The following ZCWPW1 variants were observed in gnomAD, a reference collection of about 807,000 sequenced individuals.
The protein encoded by ZCWPW1 is zinc finger CW-type PWWP domain protein 1.
In ZCWPW1, 56 loss-of-function variants were observed where a neutral mutation model predicts 81.3. The ratio of observed to expected loss-of-function variants is 0.69; its 90% CI spans 0.56 to 0.86. The LOEUF is 0.86. Among genes scored for constraint, ZCWPW1 ranks in the 40% least tolerant of loss-of-function variants. The pLI is 0.00. For synonymous variants in ZCWPW1, 250 were observed against 273.7 expected, an observed-to-expected ratio of 0.91 and a Z score of 0.86; for missense variants, 650 against 769.8, an observed-to-expected ratio of 0.84 and a Z score of 1.84.
Position 100,419,853 on chromosome 7 carries a change from G to A in ZCWPW1, c.59C>T (p.Ala20Val), listed in dbSNP as rs1247310468. The A allele has an allele frequency of 3.2e-6, 5 of 1,586,596 alleles. No individual in the cohort carries two copies. The East Asian group carries it at 1.1e-4, about 35-fold the overall frequency. The stretch of plus-strand genomic sequence containing the variant: ...GCTGTAAGATTTTTGTGCAGGTGGG[G>A]CAAAGATTCTCTTTGGTCCCTTTCC... Reference protein sequence around the residue: ...ECGKGPKRIFAPPAQKSYSLL... With the variant: ...ECGKGPKRIFVPPAQKSYSLL... Residue 20 changes from alanine to valine, a missense_variant, in exon 4 of 18, where the codon GCC (alanine) becomes GTC (valine). By Grantham distance (64) the Ala-to-Val change is moderately conservative (BLOSUM62 0). Transcript: ENST00000684423.
At chr7:100,426,730 T>G (rs1483778462) in intron 1 of ZCWPW1, among the ~76,000 whole-genome samples, 1 of 123,428 alleles carries the variant, frequency 8.1e-6, no homozygotes, top group African/African-American at 3.1e-5. Context: ...TGTCCCTCCA[T>G]CCCTTCCTCC....
intron 8 of ZCWPW1, among the ~76,000 whole-genome samples, chr7:100,410,328 CTAA>C (rs1362958812): frequency 6.6e-6 from 1 of 152,176 alleles, no homozygotes; most frequent in Admixed American, 6.5e-5. Context: ...TGGAGACCCA[CTAA>C]TGACACTGCC....
In ZCWPW1 at chr7:100,401,300, G is replaced by A. The variant is rs1054912787; in HGVS notation, c.1664C>T (p.Ala555Val). The change falls in exon 18 of 18, where the codon GCC becomes GTC. Residue 555 changes from alanine (A) to valine (V), a missense_variant. By Grantham distance (64) the Ala-to-Val change is moderately conservative (BLOSUM62 0). Transcript: ENST00000684423. ...KKKFKAPQSK[A>V]LAASFSEGKE... Reference sequence around the variant, plus strand: ...TCCCTCTGAAAAGCTGGCTGCCAAGGCCTTGCTCTGGGGAGCTTTAAATTT... The same window carrying A: ...TCCCTCTGAAAAGCTGGCTGCCAAGACCTTGCTCTGGGGAGCTTTAAATTT... 7.6e-6 allele frequency: 12 copies of A among 1,589,138 alleles called. No individual in the cohort carries two copies. The highest frequency in any genetic ancestry group is 1.4e-5 in the African/African-American group (1 of 73,574).
At chr7:100,417,008 C>A in intron 6 of ZCWPW1, 58 bp downstream of exon 6, 1 of 1,158,802 alleles carries the variant, frequency 8.6e-7, no homozygotes, top group Non-Finnish European at 1.3e-6. Context: ...GATAGACTGA[C>A]TGACCATGAA....
intron 12 of ZCWPW1, 46 bp downstream of exon 12, chr7:100,406,648 G>T (rs1360038800): frequency 6.5e-7 from 1 of 1,547,610 alleles, no homozygotes; most frequent in Admixed American, 1.7e-5. Context: ...AGAAAAGGAA[G>T]ATTTTGTTTT....
rs751972199 is a variant in ZCWPW1, at chr7:100,404,189, C to T, written c.1310G>A (p.Gly437Glu). The change falls in exon 14 of 18, where the codon GGG becomes GAG. Residue 437 changes from glycine (G) to glutamate (E), a missense_variant. Gly to Glu is a moderately conservative substitution (Grantham distance 98). Transcript: ENST00000684423. ...WSRFNGSNSNGERKDLQLSGL... is the reference protein window; with the variant it reads ...WSRFNGSNSNEERKDLQLSGL... ...TCCATTTATCCTACCTTTTCTTTCC[C>T]CATTACTGTTAGATCCGTTGAATCG... 5.0e-6 allele frequency: 8 copies of T among 1,613,984 alleles called. No individual in the cohort carries two copies. The East Asian group carries it at 1.6e-4, about 31-fold the overall frequency.
intron 11 of ZCWPW1, 73 bp from the exon 12 acceptor site, chr7:100,406,871 G>A (rs944057605): frequency 3.2e-5 from 44 of 1,360,484 alleles, no homozygotes; most frequent in Middle Eastern, 1.9e-4. Flanking sequence ...AGAACAGATC[G>A]GGAGAATGGG....
At chr7:100,418,519 G>T (rs552097613) in intron 5 of ZCWPW1, among the ~76,000 whole-genome samples, 3 of 152,208 alleles carry the variant, frequency 2.0e-5, no homozygotes, top group Admixed American at 1.3e-4. Context: ...CAGGCTGGGT[G>T]CAGTGGCTTA....
At chr7:100,407,104 TTAAG>T (rs1793172354) in intron 11 of ZCWPW1, 120 bp downstream of exon 11, 1 of 829,604 alleles carries the variant, frequency 1.2e-6, no homozygotes. Flanking sequence ...GTCATCCTAG[TTAAG>T]TGTCTGTTTT....
At position 100,416,665 on chromosome 7, in the gene ZCWPW1, G is replaced by A. The variant is rs146125760; in HGVS notation, c.480-209C>T. The stretch of plus-strand genomic sequence containing the variant: ...AGAAATCTATAGAAATATGATAAAT[G>A]GGCTGGGCCTGGTGGCTCACGCCTG... On this transcript the variant is annotated intron_variant, in intron 6 of 17. Coordinates refer to ENST00000684423, the MANE Select transcript of ZCWPW1 (RefSeq NM_001386010.1). Among the ~76,000 whole-genome samples the A allele has an allele frequency of 2.0e-5, 3 of 151,964 alleles. No individual in the cohort carries two copies. In the East Asian group the frequency reaches 5.8e-4, roughly 29 times the overall value.
intron 16 of ZCWPW1, chr7:100,402,245 TTTA>T: frequency 2.5e-6 from 2 of 799,788 alleles, no homozygotes; most frequent in Non-Finnish European, 4.2e-6. Flanking sequence ...TCTTCTTCTC[TTTA>T]CAGTTCTCCT....
intron 5 of ZCWPW1, among the ~76,000 whole-genome samples, chr7:100,418,169 G>A (rs1417385326): frequency 3.3e-5 from 5 of 152,182 alleles, no homozygotes; most frequent in Admixed American, 6.5e-5. Context: ...ACAGGCATGA[G>A]CCACTGCACC....
intron 1 of ZCWPW1, among the ~76,000 whole-genome samples, chr7:100,426,084 C>A (rs539530928): frequency 6.6e-6 from 1 of 152,350 alleles, no homozygotes; most frequent in South Asian, 2.1e-4. Context: ...CTCTTCCTAA[C>A]CATCCAATCA....
In ZCWPW1 at chr7:100,405,039, G is replaced by C. The variant is rs1162047289; in HGVS notation, c.1228C>G (p.Gln410Glu). The change falls in exon 13 of 18, where the codon CAA (glutamine) becomes GAA (glutamate). Residue 410 changes from glutamine (Q) to glutamate (E), a missense_variant. By Grantham distance (29) the Gln-to-Glu change is conservative (BLOSUM62 2). Transcript: ENST00000684423. ...QKLGVALMMAQEAEQISIQER... is the reference protein window; with the variant it reads ...QKLGVALMMAEEAEQISIQER... ...TGAATGCTGATCTGTTCTGCCTCTT[G>C]AGCCATCATCAGGGCCACCCCCAGT... The C allele has an allele frequency of 6.2e-7, 1 of 1,613,528 alleles. No homozygotes were observed. Among genetic ancestry groups the C allele is most frequent in the Non-Finnish European group, 8.5e-7 (1 of 1,179,846 alleles).
chr7:100,421,377 T>C (rs1172464546), intron 2 of ZCWPW1, among the ~76,000 whole-genome samples: 1 of 152,178 alleles, frequency 6.6e-6, no homozygotes, highest in African/African-American at 2.4e-5. Context: ...CCTAAACACT[T>C]AGAACACACA....
Position 100,416,288 on chromosome 7 carries a change from T to C in ZCWPW1, c.631+17A>G. 1.2e-6 allele frequency: 2 copies of C among 1,613,262 alleles called. No homozygotes were observed. The highest frequency in any genetic ancestry group is 1.7e-6 in the Non-Finnish European group (2 of 1,179,686). The stretch of plus-strand genomic sequence containing the variant: ...AGTACTTGAGCCAGGCTTCAAAGTA[T>C]ATCTGACTGTACTTACGAGCTTCCT... On this transcript the variant is annotated intron_variant, in intron 7 of 17. Coordinates refer to ENST00000684423, the MANE Select transcript of ZCWPW1 (RefSeq NM_001386010.1).
In ZCWPW1 at chr7:100,402,425, G is replaced by A. The variant is rs551034418; in HGVS notation, c.1474+91C>T. The A allele has an allele frequency of 3.7e-6, 5 of 1,369,574 alleles. No individual in the cohort carries two copies. The African/African-American group carries it at 5.7e-5, about 16-fold the overall frequency. The allele number at this position is 1,369,574 out of a possible 1,614,324, so 84.8% of individuals were successfully genotyped here. The stretch of plus-strand genomic sequence containing the variant: ...TTTCTCAGGTCCTGGCACTGAGATG[G>A]GCAGTGAGGTCCAGCTACCTGCAGA... On this transcript the variant is annotated intron_variant, in intron 16 of 17. Transcript: ENST00000684423.
At chr7:100,421,370 A>C (rs972276165) in intron 2 of ZCWPW1, among the ~76,000 whole-genome samples, 10 of 152,196 alleles carry the variant, frequency 6.6e-5, no homozygotes, top group Non-Finnish European at 1.2e-4. Flanking sequence ...AGCCTCTCCT[A>C]AACACTTAGA....
intron 1 of ZCWPW1, among the ~76,000 whole-genome samples, chr7:100,426,349 C>A (rs1433351941): frequency 6.6e-6 from 1 of 152,030 alleles, no homozygotes; most frequent in Non-Finnish European, 1.5e-5. Context: ...AAAAATTAGC[C>A]AGCGTGGTGG....
Sources: allele counts gnomAD v4.1 joint callset (sites outside exome capture counted in the v4.1 genomes callset), GRCh38; gene constraint gnomAD v4.1.1; transcripts MANE v1.5; gene names NCBI Gene and HGNC (gene_info 2026-07-23, HGNC 2026-07-21).